PDE9A: variants seen among roughly 807,000 people sequenced by gnomAD.
The protein encoded by PDE9A is phosphodiesterase 9A.
Under a neutral mutation model 87.4 loss-of-function variants are expected in PDE9A, and 60 were observed. The observed-to-expected ratio is 0.69, with a 90% CI of 0.56 to 0.85. The LOEUF is 0.85. Among genes scored for constraint, PDE9A ranks in the 40% least tolerant of loss-of-function variants. The pLI, the probability that PDE9A is intolerant of heterozygous loss-of-function variation, is 0.00. For synonymous variants in PDE9A, 272 were observed against 279.4 expected (o/e 0.97, Z 0.27); for missense variants, 665 against 779.0 (o/e 0.85, Z 1.74).
In PDE9A at chr21:42,769,835, CGTG is replaced by C. The variant is rs573692148; in HGVS notation, c.1590+684_1590+686del. Among the ~76,000 whole-genome samples the C allele has an allele frequency of 4.0e-4, 61 of 152,302 alleles. No homozygotes were observed. The East Asian group carries it at 0.012, about 29-fold the overall frequency. On this transcript the variant is annotated intron_variant, in intron 17 of 19. Coordinates refer to ENST00000291539, the MANE Select transcript of PDE9A (RefSeq NM_002606.3). ...CCTGAGCAGCCTCTTCCCCGGCTGT[CGTG>C]GTGACCGCTGTCCCTGTTCCATCCA...
In PDE9A at chr21:42,705,372, T is replaced by G. The variant is rs1178551749; in HGVS notation, c.262+6361T>G. Among the ~76,000 whole-genome samples, 2 of 152,184 alleles carry G rather than the reference T, an allele frequency of 1.3e-5. No individual in the cohort carries two copies. Among genetic ancestry groups the G allele is most frequent in the Non-Finnish European group, 2.9e-5 (2 of 68,022 alleles). On this transcript the variant is annotated intron_variant, in intron 4 of 19. Coordinates refer to ENST00000291539, the MANE Select transcript of PDE9A (RefSeq NM_002606.3). This position sits in a 1 kb window ranked among gnomAD's most constrained non-coding sequence, Gnocchi z 4.3. ...GTAAGCCGCTCAAACTCAAAGAGTG[T>G]TGTTTTCCAGATTATAAAACACAGA...
At position 42,731,822 on chromosome 21, in the gene PDE9A, A is replaced by C; in HGVS notation, c.315A>C (p.Pro105=). ...GCCGTGGCCAGTCTGCTGAGAGACCACTGAGGGACAGACGGGTTGTGGGCC... is the reference window on the plus strand; with the variant it reads ...GCCGTGGCCAGTCTGCTGAGAGACCCCTGAGGGACAGACGGGTTGTGGGCC... ...TTSRGQSAER[P]LRDRRVVGLE... is the part of the protein sequence containing the mutation. The change falls in exon 5 of 20, where the codon CCA becomes CCC. Residue 105 remains proline, a synonymous_variant. Coordinates refer to ENST00000291539, the MANE Select transcript of PDE9A (RefSeq NM_002606.3). The C allele has an allele frequency of 6.2e-7, 1 of 1,614,240 alleles. No homozygotes were observed. Among genetic ancestry groups the C allele is most frequent in the Admixed American group, 1.7e-5 (1 of 60,028 alleles).
intron 1 of PDE9A, among the ~76,000 whole-genome samples, chr21:42,670,369 T>TCC (rs2058421855): frequency 6.9e-5 from 6 of 86,964 alleles, no homozygotes; most frequent in South Asian, 3.0e-4. Flanking sequence ...CACACACACA[T>TCC]TCACACACAT....
In PDE9A at chr21:42,760,543, C is replaced by T. The variant is rs898106440; in HGVS notation, c.1002+111C>T. 7 of 691,454 alleles carry T rather than the reference C, an allele frequency of 1.0e-5. 1 individual carries two copies. In the Middle Eastern group the frequency reaches 1.3e-3, roughly 129 times the overall value. 42.8% of individuals were successfully genotyped at this position (691,454 alleles called of 1,614,324 possible). On this transcript the variant is annotated intron_variant, in intron 12 of 19. Coordinates refer to ENST00000291539, the MANE Select transcript of PDE9A (RefSeq NM_002606.3). This position sits in a 1 kb window ranked among gnomAD's most constrained non-coding sequence, Gnocchi z 5.2. ...CCAAGAGAGCCACAGGCGTGGGGTCCCCAGCCGCTCCGCCCCTCCTAGGGA... is the reference window on the plus strand; with the variant it reads ...CCAAGAGAGCCACAGGCGTGGGGTCTCCAGCCGCTCCGCCCCTCCTAGGGA...
chr21:42,671,338 C>T (rs955130216), intron 1 of PDE9A, among the ~76,000 whole-genome samples: 1 of 152,178 alleles, frequency 6.6e-6, no homozygotes, highest in African/African-American at 2.4e-5. Flanking sequence ...GCCTCTGGCA[C>T]ATGGGAATCC....
In PDE9A at chr21:42,744,867, C is replaced by T. The variant is rs557940107; in HGVS notation, c.653+1007C>T. ...CATGCATTGAGGCACTTACTGTGTG[C>T]GGGCGCTGTGCTTAGTGAGGGGCAC... On this transcript the variant is annotated intron_variant, in intron 8 of 19. Transcript: ENST00000291539. 8.0e-4 allele frequency among the ~76,000 whole-genome samples: 122 copies of T among 152,296 alleles called. 4 individuals are homozygous for T. In the South Asian group the frequency reaches 0.021, roughly 26 times the overall value.
chr21:42,745,443 C>G (rs2053743686), intron 8 of PDE9A, among the ~76,000 whole-genome samples: 1 of 152,222 alleles, frequency 6.6e-6, no homozygotes, highest in Non-Finnish European at 1.5e-5. Flanking sequence ...CTTCGTCATC[C>G]CTGTGCTGGA....
At position 42,694,088 on chromosome 21, in the gene PDE9A, C is replaced by T. The variant is rs898435032; in HGVS notation, c.219-4880C>T. ...TCTGGTGACCAGAAGCTTATGTCTACCAGACCCAGGGCCTTCCCTTGCTGA... is the reference window on the plus strand; with the variant it reads ...TCTGGTGACCAGAAGCTTATGTCTATCAGACCCAGGGCCTTCCCTTGCTGA... On this transcript the variant is annotated intron_variant, in intron 3 of 19. Transcript: ENST00000291539. The surrounding 1 kb of genome is among the most constrained non-coding windows in gnomAD (Gnocchi z 5.3). 3.9e-5 allele frequency among the ~76,000 whole-genome samples: 6 copies of T among 152,310 alleles called. No homozygotes were observed. Among genetic ancestry groups the T allele is most frequent in the African/African-American group, 1.4e-4 (6 of 41,564 alleles).
intron 3 of PDE9A, 63 bp downstream of exon 3, chr21:42,688,057 C>T (rs755113682): frequency 4.5e-6 from 6 of 1,327,066 alleles, no homozygotes; most frequent in Non-Finnish European, 6.5e-6. Context: ...ACATGGGAGG[C>T]TTTCTGTGAT....
intron 15 of PDE9A, 117 bp downstream of exon 15, chr21:42,765,611 G>A (rs768657469): frequency 2.8e-6 from 2 of 718,186 alleles, no homozygotes; most frequent in East Asian, 5.4e-5. Context: ...TTGGAACAAG[G>A]TGTCTATAAA....
chr21:42,668,898 A>ACCCCCCCCCCCCCCCCTCCCCC (rs375148519), intron 1 of PDE9A, among the ~76,000 whole-genome samples: 1 of 104,786 alleles, frequency 9.5e-6, no homozygotes, highest in African/African-American at 4.6e-5. Flanking sequence ...TGCTCCCTCC[A>ACCCCCCCCCCCCCCCCTCCCCC]CCCCCCGCCA....
At chr21:42,679,769 C>A (rs933676815) in intron 1 of PDE9A, among the ~76,000 whole-genome samples, 2 of 152,214 alleles carry the variant, frequency 1.3e-5, no homozygotes, top group East Asian at 1.9e-4. Flanking sequence ...ACTCACCCCC[C>A]ACCCATGAGA....
At chr21:42,658,463 A>G (rs1403976385) in intron 1 of PDE9A, among the ~76,000 whole-genome samples, 12 of 152,192 alleles carry the variant, frequency 7.9e-5, no homozygotes, top group African/African-American at 2.4e-5. Flanking sequence ...TGTGGTTAGC[A>G]TGGTGGGGCC....
At chr21:42,773,365 C>T (rs1317087797) in intron 19 of PDE9A, among the ~76,000 whole-genome samples, 1 of 151,462 alleles carries the variant, frequency 6.6e-6, no homozygotes, top group Non-Finnish European at 1.5e-5. Context: ...AGAGTAAGTA[C>T]TTTTTAAAAG....
In PDE9A at chr21:42,769,222, C is replaced by CACACATAT. The variant is rs1220260736; in HGVS notation, c.1590+76_1590+83dup. The CACACATAT allele has an allele frequency of 4.3e-6, 6 of 1,410,442 alleles. No individual in the cohort carries two copies. In the African/African-American group the frequency reaches 8.4e-5, roughly 20 times the overall value. 87.4% of individuals were successfully genotyped at this position (1,410,442 alleles called of 1,614,324 possible). On this transcript the variant is annotated intron_variant, in intron 17 of 19. Transcript: ENST00000291539. ...ATACATGCATGCACACACAGGCACACACACATATACACATATGCACACAGG... is the reference window on the plus strand; with the variant it reads ...ATACATGCATGCACACACAGGCACACACACATATACACATATACACATATGCACACAGG...
At position 42,679,522 on chromosome 21, in the gene PDE9A, G is replaced by A. The variant is rs978340406; in HGVS notation, c.70-6670G>A. 2.6e-5 allele frequency among the ~76,000 whole-genome samples: 4 copies of A among 152,056 alleles called. No individual in the cohort carries two copies. In the East Asian group the frequency reaches 5.8e-4, roughly 22 times the overall value. On this transcript the variant is annotated intron_variant, in intron 1 of 19. Transcript: ENST00000291539. The stretch of plus-strand genomic sequence containing the variant: ...ACCCAGTGTCTCTTCTCAGCCTCAC[G>A]ACGAGGAGACCTGCTCATGGAGCTG...
chr21:42,744,834 G>GC (rs1200067263), intron 8 of PDE9A, among the ~76,000 whole-genome samples: 1 of 152,232 alleles, frequency 6.6e-6, no homozygotes, highest in Non-Finnish European at 1.5e-5. Context: ...GTGATGATGA[G>GC]CAGAGCGCAT....
chr21:42,665,713 C>G (rs2057918637), intron 1 of PDE9A, among the ~76,000 whole-genome samples: 1 of 152,222 alleles, frequency 6.6e-6, no homozygotes, highest in Non-Finnish European at 1.5e-5. Context: ...TCACCAGGCA[C>G]CCTTGGAGCC....
At chr21:42,711,905 C>T (rs1427706230) in intron 4 of PDE9A, among the ~76,000 whole-genome samples, 1 of 152,002 alleles carries the variant, frequency 6.6e-6, no homozygotes, top group Non-Finnish European at 1.5e-5. Flanking sequence ...TGTTCTGCTT[C>T]ATTGATCTAT....
Sources: gnomAD v4.1 joint callset for allele counts (sites outside exome capture counted in the v4.1 genomes callset) on GRCh38, gnomAD v4.1.1 for gene constraint, Gnocchi (gnomAD v3.1) non-coding constraint, MANE v1.5 for transcripts, NCBI Gene and HGNC (gene_info 2026-07-23, HGNC 2026-07-21) for gene names.